KIF16B: variants seen among roughly 807,000 people sequenced by gnomAD.
The protein encoded by KIF16B is kinesin-like protein KIF16B.
KIF16B carries 98 observed loss-of-function variants against 156.3 expected under a neutral mutation model. The ratio of observed to expected loss-of-function variants is 0.63; its 90% confidence interval spans 0.53 to 0.74. The LOEUF is 0.74. Ranked by LOEUF, KIF16B falls within the 30% of genes least tolerant of loss-of-function variation. The pLI, the probability that KIF16B is intolerant of heterozygous loss-of-function variation, is 0.00. For missense variants in KIF16B, 1,421 were observed against 1,606.5 expected (o/e 0.88, Z 1.97); for synonymous variants, 564 against 583.7 (o/e 0.97, Z 0.49).
chr20:16,422,008 T>G (rs1027776315), intron 15 of KIF16B, among the ~76,000 whole-genome samples: 1 of 152,140 alleles, frequency 6.6e-6, no homozygotes, highest in Non-Finnish European at 1.5e-5. Flanking sequence ...GATAAAAAAT[T>G]TGGTTCCTAA....
intron 2 of KIF16B, among the ~76,000 whole-genome samples, chr20:16,527,609 C>T (rs2147150187): frequency 6.6e-6 from 1 of 152,216 alleles, no homozygotes; most frequent in Admixed American, 6.5e-5. Context: ...TGGGGTCTTG[C>T]TCTGTTGCCC....
chr20:16,435,539 T>G (rs1174723860), intron 12 of KIF16B, among the ~76,000 whole-genome samples: 1 of 152,230 alleles, frequency 6.6e-6, no homozygotes, highest in African/African-American at 2.4e-5. Context: ...ACACAATACA[T>G]TCTTCTGATC....
At chr20:16,503,311 C>T (rs1446977169) in intron 10 of KIF16B, among the ~76,000 whole-genome samples, 1 of 152,218 alleles carries the variant, frequency 6.6e-6, no homozygotes, top group Non-Finnish European at 1.5e-5. Flanking sequence ...GAGCTGGACT[C>T]TTCATTCTGA....
At chr20:16,399,436 G>A (rs559458930) in intron 17 of KIF16B, among the ~76,000 whole-genome samples, 3 of 152,242 alleles carry the variant, frequency 2.0e-5, no homozygotes, top group Non-Finnish European at 2.9e-5. Context: ...ACTGAGCCTC[G>A]GTCTGTCTCA....
At chr20:16,370,017 G>A (rs1462279671) in intron 22 of KIF16B, among the ~76,000 whole-genome samples, 1 of 152,136 alleles carries the variant, frequency 6.6e-6, no homozygotes, top group Middle Eastern at 3.2e-3. Context: ...GTTCAGTAAT[G>A]TATGGACACC....
At chr20:16,357,452 A>G (rs2064465620) in intron 22 of KIF16B, among the ~76,000 whole-genome samples, 1 of 152,210 alleles carries the variant, frequency 6.6e-6, no homozygotes, top group East Asian at 1.9e-4. Context: ...CTTTCATCAC[A>G]CTACTCTAGA....
intron 23 of KIF16B, among the ~76,000 whole-genome samples, chr20:16,339,381 C>T (rs571165395): frequency 3.7e-4 from 56 of 152,180 alleles, no homozygotes; most frequent in Non-Finnish European, 7.2e-4. Context: ...TTTCTCATCT[C>T]CCTGACTTCT....
intron 22 of KIF16B, among the ~76,000 whole-genome samples, chr20:16,370,138 C>A (rs1476757150): frequency 6.6e-6 from 1 of 152,158 alleles, no homozygotes; most frequent in Non-Finnish European, 1.5e-5. Flanking sequence ...TGAAACCTTA[C>A]AAATTGCATG....
chr20:16,381,990 A>G, intron 17 of KIF16B: 1 of 931,746 alleles, frequency 1.1e-6, no homozygotes, highest in Non-Finnish European at 1.5e-6. Flanking sequence ...GGAAAACAAA[A>G]CAAAAACTGT....
chr20:16,563,951 C>A (rs539996987), intron 1 of KIF16B, among the ~76,000 whole-genome samples: 25 of 152,162 alleles, frequency 1.6e-4, no homozygotes, highest in Non-Finnish European at 2.8e-4. Context: ...GCAACAGCAG[C>A]AACTCTCCCC....
At chr20:16,570,869 C>T (rs1383965601) in intron 1 of KIF16B, among the ~76,000 whole-genome samples, 2 of 152,208 alleles carry the variant, frequency 1.3e-5, no homozygotes, top group Admixed American at 6.5e-5. Flanking sequence ...TGTCCAATCC[C>T]TGGCTCCCTT....
At chr20:16,285,632 C>G (rs993677568) in intron 25 of KIF16B, among the ~76,000 whole-genome samples, 1 of 152,008 alleles carries the variant, frequency 6.6e-6, no homozygotes, top group Non-Finnish European at 1.5e-5. Context: ...GCCTGGGCAA[C>G]ATGCTGAAAT....
intron 22 of KIF16B, among the ~76,000 whole-genome samples, chr20:16,357,961 AG>A (rs1366404101): frequency 8.5e-5 from 13 of 152,158 alleles, no homozygotes; most frequent in African/African-American, 2.9e-4. Flanking sequence ...AGGCCAAGGC[AG>A]GTTGATCAAG....
At chr20:16,523,937 T>C (rs536437355) in intron 3 of KIF16B, among the ~76,000 whole-genome samples, 1 of 152,306 alleles carries the variant, frequency 6.6e-6, no homozygotes, top group Non-Finnish European at 1.5e-5. Flanking sequence ...GGATTCCCTA[T>C]TTAATAAATG....
intron 12 of KIF16B, among the ~76,000 whole-genome samples, chr20:16,434,828 G>A (rs1049717028): frequency 6.6e-6 from 1 of 151,926 alleles, no homozygotes; most frequent in African/African-American, 2.4e-5. Context: ...GTAGAATTTT[G>A]TAGAGTTGAC....
chr20:16,327,068 TAC>T (rs35869892), intron 24 of KIF16B, among the ~76,000 whole-genome samples: 7,579 of 142,734 alleles, frequency 0.053, 421 homozygotes, highest in African/African-American at 0.15. Flanking sequence ...TGTATACATG[TAC>T]ACACACACAC....
chr20:16,530,354 C>G (rs1401001548), intron 1 of KIF16B, among the ~76,000 whole-genome samples: 1 of 152,178 alleles, frequency 6.6e-6, no homozygotes, highest in Non-Finnish European at 1.5e-5. Flanking sequence ...TGGTCTGTCA[C>G]TTCCCAGGCG....
At chr20:16,411,709 T>A (rs1378831065) in intron 15 of KIF16B, among the ~76,000 whole-genome samples, 1 of 152,022 alleles carries the variant, frequency 6.6e-6, no homozygotes, top group Non-Finnish European at 1.5e-5. Context: ...CATACTCGTA[T>A]GGGGAATCTG....
chr20:16,562,737 C>G (rs1194941058), intron 1 of KIF16B, among the ~76,000 whole-genome samples: 1 of 152,138 alleles, frequency 6.6e-6, no homozygotes, highest in East Asian at 1.9e-4. Flanking sequence ...CACATACACA[C>G]ACGTATACAT....
Sources: gnomAD v4.1 joint callset for allele counts (sites outside exome capture counted in the v4.1 genomes callset) on GRCh38, gnomAD v4.1.1 for gene constraint, MANE v1.5 for transcripts, NCBI Gene and HGNC (gene_info 2026-07-23, HGNC 2026-07-21) for gene names.